The following NLGN4X variants were observed in gnomAD, a reference collection of about 807,000 sequenced individuals.
NLGN4X encodes the protein neuroligin-4, X-linked.
In NLGN4X, 3 loss-of-function variants were observed where a neutral mutation model predicts 40.3. That is an observed-to-expected ratio of 0.07 (90% confidence interval 0.03 to 0.19). The LOEUF (loss-of-function observed/expected upper bound fraction) is 0.19. NLGN4X is among the 10% of genes least tolerant of loss of function. The probability of loss-of-function intolerance (pLI) is 1.00; values close to 1 mark genes in which losing one functional copy is unlikely to be tolerated. For missense variants in NLGN4X, 382 were observed against 708.3 expected (o/e 0.54, Z 5.23); for synonymous variants, 270 against 306.8 (o/e 0.88, Z 1.25).
At chrX:6,017,496 TG>T (rs2036423571) in intron 3 of NLGN4X, among the ~76,000 whole-genome samples, 1 of 111,595 alleles carries the variant, frequency 9.0e-6, no homozygotes, top group Non-Finnish European at 1.9e-5. Context: ...GGCATTTTGG[TG>T]GGGTAGCCTC....
intron 1 of NLGN4X, among the ~76,000 whole-genome samples, chrX:6,167,074 A>T (rs34494015): frequency 2.2e-3 from 179 of 79,897 alleles, no homozygotes; most frequent in African/African-American, 4.3e-3. Flanking sequence ...TGTCTCAAAA[A>T]AAAAAAAAAA....
chrX:6,121,972 G>A (rs1283807884), intron 2 of NLGN4X, among the ~76,000 whole-genome samples: 1 of 112,513 alleles, frequency 8.9e-6, no homozygotes, highest in Non-Finnish European at 1.9e-5. Context: ...GTAAAGCAGT[G>A]GAATTTTATG....
chrX:6,057,905 CTATA>C (rs1410525932), intron 2 of NLGN4X, among the ~76,000 whole-genome samples: 5 of 111,640 alleles, frequency 4.5e-5, no homozygotes, highest in African/African-American at 1.6e-4. Context: ...CCATCAGAGA[CTATA>C]TAAAGTTTAT....
chrX:5,903,094 C>A lies in NLGN4X; in HGVS notation c.1584G>T (p.Thr528=). The change falls in exon 5 of 6, where the codon ACG becomes ACT. Residue 528 remains threonine, a synonymous_variant. Coordinates refer to ENST00000381095, the MANE Select transcript of NLGN4X (RefSeq NM_181332.3). ...GAACGTACCCAGTTTTGGCGAAGTT[C>A]GTCCAGTAGGTCATGACCACGGCGC... ...MLSAVVMTYW[T]NFAKTGDPNQ... 8.3e-7 allele frequency: 1 copy of A among 1,212,015 alleles called. No individual in the cohort carries two copies. Among genetic ancestry groups the A allele is most frequent in the Non-Finnish European group, 1.1e-6 (1 of 895,580 alleles).
chrX:6,027,739 T>A lies in NLGN4X; in HGVS notation c.625+1541A>T, dbSNP rs558955269. 2.8e-4 allele frequency among the ~76,000 whole-genome samples: 31 copies of A among 110,689 alleles called. 1 individual carries two copies. The South Asian group carries it at 0.011, about 39-fold the overall frequency. On this transcript the variant is annotated intron_variant, in intron 3 of 5. Coordinates refer to ENST00000381095, the MANE Select transcript of NLGN4X (RefSeq NM_181332.3). ...CCATATTTGAAGAAAACATTTTCAG[T>A]CATATTTCTTGTTTGACAGACCTCC... is the stretch of plus-strand genomic sequence containing the variant.
intron 2 of NLGN4X, among the ~76,000 whole-genome samples, chrX:6,086,545 T>C (rs1353584198): frequency 8.9e-6 from 1 of 112,228 alleles, no homozygotes; most frequent in African/African-American, 3.2e-5. Flanking sequence ...TATAATCCTT[T>C]CAACAATCCA....
At chrX:5,898,626 T>C (rs1464359886) in intron 5 of NLGN4X, among the ~76,000 whole-genome samples, 2 of 110,716 alleles carry the variant, frequency 1.8e-5, no homozygotes, top group Admixed American at 1.9e-4. Flanking sequence ...AGTGGTGAAG[T>C]ATGTCCTGGC....
At chrX:5,920,874 A>G (rs1372006099) in intron 3 of NLGN4X, among the ~76,000 whole-genome samples, 1 of 110,557 alleles carries the variant, frequency 9.0e-6, no homozygotes, top group Non-Finnish European at 1.9e-5. Flanking sequence ...CCCTCTCCCT[A>G]TGACATTGAA....
At chrX:6,047,549 C>T (rs1486656724) in intron 2 of NLGN4X, among the ~76,000 whole-genome samples, 3 of 111,859 alleles carry the variant, frequency 2.7e-5, no homozygotes, top group Non-Finnish European at 5.6e-5. Context: ...AGGAATCAGA[C>T]GCGATTGAAA....
chrX:6,177,396 T>C (rs1285237894), intron 1 of NLGN4X, among the ~76,000 whole-genome samples: 3 of 111,864 alleles, frequency 2.7e-5, no homozygotes, highest in Non-Finnish European at 5.6e-5. Context: ...TGACCTCAAG[T>C]GATCCACCCA....
chrX:5,931,352 C>T (rs1326042558), intron 3 of NLGN4X, among the ~76,000 whole-genome samples: 1 of 112,132 alleles, frequency 8.9e-6, no homozygotes, highest in Admixed American at 9.5e-5. Context: ...GTTCCTGGAA[C>T]ATTTGGGATT....
intron 2 of NLGN4X, among the ~76,000 whole-genome samples, chrX:6,032,009 G>C (rs1233369065): frequency 9.1e-6 from 1 of 110,188 alleles, no homozygotes; most frequent in Non-Finnish European, 1.9e-5. Context: ...AAAGAAAGAT[G>C]AACATAGCTA....
intron 2 of NLGN4X, among the ~76,000 whole-genome samples, chrX:6,088,767 T>C (rs1279005191): frequency 8.9e-6 from 1 of 112,184 alleles, no homozygotes; most frequent in Non-Finnish European, 1.9e-5. Flanking sequence ...TGGATGTTAT[T>C]AATGATAACA....
chrX:5,947,452 G>A (rs1325411603), intron 3 of NLGN4X, among the ~76,000 whole-genome samples: 1 of 111,991 alleles, frequency 8.9e-6, no homozygotes, highest in East Asian at 2.8e-4. Context: ...GGAAATTTGG[G>A]GGGAAAGTGG....
intron 3 of NLGN4X, among the ~76,000 whole-genome samples, chrX:5,959,257 G>A (rs1482511341): frequency 2.7e-5 from 3 of 112,248 alleles, no homozygotes; most frequent in African/African-American, 9.7e-5. Flanking sequence ...ATGGCTGAGC[G>A]TAGGACTAAA....
chrX:5,955,996 T>A (rs1330865645), intron 3 of NLGN4X, among the ~76,000 whole-genome samples: 2 of 109,921 alleles, frequency 1.8e-5, no homozygotes, highest in East Asian at 2.8e-4. Flanking sequence ...TACAACCATG[T>A]GTCTTCTAAA....
chrX:6,088,609 G>A (rs186169103), intron 2 of NLGN4X, among the ~76,000 whole-genome samples: 90 of 111,735 alleles, frequency 8.1e-4, no homozygotes, highest in Non-Finnish European at 1.4e-3. Context: ...CTAAAGGGGG[G>A]TTTGTGTAAG....
intron 4 of NLGN4X, among the ~76,000 whole-genome samples, chrX:5,904,961 C>T (rs1470509046): frequency 1.8e-5 from 2 of 110,677 alleles, no homozygotes; most frequent in Non-Finnish European, 3.8e-5. Flanking sequence ...CAACTTGAAA[C>T]CAATATGGCT....
chrX:6,035,039 T>A (rs753359086), intron 2 of NLGN4X, among the ~76,000 whole-genome samples: 8 of 112,154 alleles, frequency 7.1e-5, no homozygotes, highest in Non-Finnish European at 1.3e-4. Flanking sequence ...TTAGCTAATG[T>A]TTAGTAACTA....
Sources: allele counts gnomAD v4.1 joint callset (sites outside exome capture counted in the v4.1 genomes callset), GRCh38; gene constraint gnomAD v4.1.1; transcripts MANE v1.5; gene names NCBI Gene and HGNC (gene_info 2026-07-23, HGNC 2026-07-21).